The following ARHGAP10 variants were observed in gnomAD, a reference collection of about 807,000 sequenced individuals.
The protein encoded by ARHGAP10 is Rho GTPase activating protein 10.
Under a neutral mutation model 108.6 loss-of-function variants are expected in ARHGAP10, and 87 were observed. The observed-to-expected ratio is 0.80, with a 90% confidence interval of 0.67 to 0.96. The LOEUF is 0.96. ARHGAP10 is among the 40% of genes least tolerant of loss of function. ARHGAP10 has a pLI of 0.00. For synonymous variants in ARHGAP10, 347 were observed against 341.1 expected, an observed-to-expected ratio of 1.02 and a Z score of -0.19; for missense variants, 939 against 954.5, an observed-to-expected ratio of 0.98 and a Z score of 0.21.
intron 3 of ARHGAP10, among the ~76,000 whole-genome samples, chr4:147,832,608 C>G (rs2126799170): frequency 8.3e-6 from 1 of 119,848 alleles, no homozygotes; most frequent in African/African-American, 3.0e-5. Flanking sequence ...AATCGTGCCA[C>G]TGCACTCCAG....
chr4:147,846,774 A>C (rs902597438), intron 3 of ARHGAP10, among the ~76,000 whole-genome samples: 6 of 152,208 alleles, frequency 3.9e-5, no homozygotes, highest in Non-Finnish European at 7.3e-5. Context: ...TCAATAAAGG[A>C]ATGTAATTGA....
At chr4:147,927,075 T>C (rs560681677) in intron 13 of ARHGAP10, among the ~76,000 whole-genome samples, 1 of 152,306 alleles carries the variant, frequency 6.6e-6, no homozygotes, top group Non-Finnish European at 1.5e-5. Flanking sequence ...GTGTTTTAAA[T>C]ACCCACGCTC....
chr4:148,068,264 T>G (rs1236691566), intron 22 of ARHGAP10, among the ~76,000 whole-genome samples: 1 of 152,206 alleles, frequency 6.6e-6, no homozygotes, highest in African/African-American at 2.4e-5. Flanking sequence ...GCGGGACTGC[T>G]TTCCTGGCTG....
intron 1 of ARHGAP10, among the ~76,000 whole-genome samples, chr4:147,766,570 GTGTGTATATATACACATACATATATGTAT>G (rs1729823549): frequency 2.1e-5 from 3 of 145,860 alleles, no homozygotes; most frequent in East Asian, 2.2e-4. Flanking sequence ...GTGTGGGTGT[GTGTGTATATATACACATACATATATGTAT>G]GTGTGTATAT....
At chr4:147,944,818 A>G (rs1236521917) in intron 14 of ARHGAP10, among the ~76,000 whole-genome samples, 1 of 152,106 alleles carries the variant, frequency 6.6e-6, no homozygotes, top group African/African-American at 2.4e-5. Flanking sequence ...ATTGATATTG[A>G]TGGCTCAATA....
At chr4:148,002,549 T>C (rs1290011155) in intron 18 of ARHGAP10, among the ~76,000 whole-genome samples, 1 of 152,150 alleles carries the variant, frequency 6.6e-6, no homozygotes, top group African/African-American at 2.4e-5. Flanking sequence ...GTCCTGGACT[T>C]TTTTTGGTTG....
intron 3 of ARHGAP10, among the ~76,000 whole-genome samples, chr4:147,837,050 C>G (rs972632620): frequency 6.6e-6 from 1 of 152,054 alleles, no homozygotes; most frequent in African/African-American, 2.4e-5. Flanking sequence ...CACTTTTTGT[C>G]AACATTAGTC....
rs34876546 is a variant in ARHGAP10, at chr4:148,039,368, ATTTTTTTT to A, written c.1868-7502_1868-7495del. 2.5e-4 allele frequency among the ~76,000 whole-genome samples: 18 copies of A among 73,090 alleles called. 1 individual carries two copies. The highest frequency in any genetic ancestry group is 1.8e-3 in the East Asian group (4 of 2,252). The allele number at this position is 73,090 out of a possible 152,430, so 47.9% of individuals were successfully genotyped here. On this transcript the variant is annotated intron_variant, in intron 19 of 22. Coordinates refer to ENST00000336498, the MANE Select transcript of ARHGAP10 (RefSeq NM_024605.4). ...TTAATACTTTAAGAATACTACTTCA[ATTTTTTTT>A]TTTTTTTTTTTTTTTTTTTTTGAGA...
At chr4:147,925,831 A>C (rs1000844769) in intron 13 of ARHGAP10, among the ~76,000 whole-genome samples, 4 of 152,212 alleles carry the variant, frequency 2.6e-5, no homozygotes, top group Non-Finnish European at 4.4e-5. Flanking sequence ...CTGAGCCCTG[A>C]TTCCTCAGGG....
At chr4:147,982,922 C>T (rs1739876905) in intron 18 of ARHGAP10, among the ~76,000 whole-genome samples, 1 of 152,050 alleles carries the variant, frequency 6.6e-6, no homozygotes, top group Non-Finnish European at 1.5e-5. Context: ...TTACTCTCGC[C>T]CAGGCTGGAG....
intron 1 of ARHGAP10, among the ~76,000 whole-genome samples, chr4:147,737,695 T>TTA (rs1451119375): frequency 1.3e-5 from 2 of 152,200 alleles, no homozygotes; most frequent in Non-Finnish European, 1.5e-5. Context: ...ACTTGGGGCT[T>TTA]TATTACAGTG....
intron 19 of ARHGAP10, among the ~76,000 whole-genome samples, chr4:148,027,050 T>TATATG: frequency 6.6e-6 from 1 of 152,348 alleles, no homozygotes; most frequent in African/African-American, 2.4e-5. Context: ...TTCAGGAGGC[T>TATATG]ATATGAGATC....
intron 1 of ARHGAP10, among the ~76,000 whole-genome samples, chr4:147,810,690 A>G (rs1338503074): frequency 6.6e-6 from 1 of 152,142 alleles, no homozygotes; most frequent in Non-Finnish European, 1.5e-5. Flanking sequence ...CTCCACATCA[A>G]AGACCTCTCT....
chr4:147,997,864 A>G (rs1036882552), intron 18 of ARHGAP10, among the ~76,000 whole-genome samples: 3 of 152,242 alleles, frequency 2.0e-5, no homozygotes, highest in Admixed American at 2.0e-4. Flanking sequence ...AACAGTAATA[A>G]TAGGAGCAAA....
At chr4:147,963,093 C>A (rs957126464) in intron 16 of ARHGAP10, among the ~76,000 whole-genome samples, 3 of 152,174 alleles carry the variant, frequency 2.0e-5, no homozygotes, top group East Asian at 1.9e-4. Flanking sequence ...CTATTCATAT[C>A]GCTTTCTTGC....
At chr4:148,030,806 C>CT (rs1055189834) in intron 19 of ARHGAP10, among the ~76,000 whole-genome samples, 1 of 151,952 alleles carries the variant, frequency 6.6e-6, no homozygotes, top group Non-Finnish European at 1.5e-5. Flanking sequence ...TTCTACCTTC[C>CT]TTTGTGCCCT....
intron 13 of ARHGAP10, chr4:147,917,398 C>T (rs1455790820): frequency 1.3e-5 from 2 of 152,236 alleles, no homozygotes; most frequent in Non-Finnish European, 2.9e-5. Context: ...CCACTTGTCT[C>T]CTCCACTAGG....
intron 14 of ARHGAP10, 43 bp from the exon 15 acceptor site, chr4:147,946,574 A>T: frequency 6.4e-7 from 1 of 1,560,958 alleles, no homozygotes; most frequent in East Asian, 2.3e-5. Context: ...ACCTTTGATG[A>T]TCAAGGTTTT....
At position 147,916,405 on chromosome 4, in the gene ARHGAP10, A is replaced by C. The variant is rs142586699; in HGVS notation, c.1228+3266A>C. ...CTTAAGCTATCTATTCAGTATGTGT[A>C]TGACTTATGAAATGTTCCATATTTT... On this transcript the variant is annotated intron_variant, in intron 13 of 22. Coordinates refer to ENST00000336498, the MANE Select transcript of ARHGAP10 (RefSeq NM_024605.4). The C allele has an allele frequency of 2.2e-4, 33 of 152,334 alleles. No homozygotes were observed. In the East Asian group the frequency reaches 5.6e-3, roughly 26 times the overall value. The allele number at this position is 152,334 out of a possible 1,614,324, so 9.4% of individuals were successfully genotyped here.
Sources: gnomAD v4.1 joint callset for allele counts (sites outside exome capture counted in the v4.1 genomes callset) on GRCh38, gnomAD v4.1.1 for gene constraint, MANE v1.5 for transcripts, NCBI Gene and HGNC (gene_info 2026-07-23, HGNC 2026-07-21) for gene names.